DTNB: variants seen among roughly 807,000 people sequenced by gnomAD.
DTNB encodes the protein dystrobrevin beta.
In DTNB, 63 loss-of-function variants were observed where a neutral mutation model predicts 90.7. That is an observed-to-expected ratio of 0.69 (90% CI 0.57 to 0.86). DTNB has a LOEUF of 0.86. DTNB is among the 40% of genes least tolerant of loss of function. The pLI, the probability that DTNB is intolerant of heterozygous loss-of-function variation, is 0.00. For synonymous variants in DTNB, 277 were observed against 286.7 expected (o/e 0.97, Z 0.34); for missense variants, 744 against 807.1 (o/e 0.92, Z 0.95).
intron 12 of DTNB, among the ~76,000 whole-genome samples, chr2:25,435,657 G>T (rs146449852): frequency 1.9e-4 from 29 of 152,248 alleles, no homozygotes; most frequent in Admixed American, 3.9e-4. Context: ...GAACATTTGG[G>T]TTGTTACCAC....
chr2:25,401,927 C>A (rs763161099), intron 16 of DTNB, among the ~76,000 whole-genome samples: 3 of 152,190 alleles, frequency 2.0e-5, no homozygotes. Flanking sequence ...TTAAATTAAA[C>A]AAAGTGGTCT....
chr2:25,407,790 C>T lies in DTNB; in HGVS notation c.1575+11725G>A, dbSNP rs147381801. On this transcript the variant is annotated intron_variant, in intron 16 of 20. Coordinates refer to ENST00000406818, the MANE Select transcript of DTNB (RefSeq NM_021907.5). ...CTCAGAAGGGAGAGGTTGGGAGGGG[C>T]GTGAAGGATAAAAAACTACATATTG... Among the ~76,000 whole-genome samples, 199 of 152,088 alleles carry T rather than the reference C, an allele frequency of 1.3e-3. 3 individuals are homozygous for T. The highest frequency in any genetic ancestry group is 4.7e-3 in the African/African-American group (193 of 41,462).
intron 5 of DTNB, among the ~76,000 whole-genome samples, chr2:25,604,497 T>C (rs1397068735): frequency 2.6e-5 from 4 of 152,152 alleles, no homozygotes; most frequent in African/African-American, 7.2e-5. Flanking sequence ...GCCTCGAACT[T>C]CTAGCCTCAA....
intron 4 of DTNB, among the ~76,000 whole-genome samples, chr2:25,621,296 C>T (rs1215599757): frequency 6.6e-6 from 1 of 152,124 alleles, no homozygotes; most frequent in Non-Finnish European, 1.5e-5. Flanking sequence ...CTAGGCTGGG[C>T]AGATTAAGAA....
Position 25,387,117 on chromosome 2 carries a change from CAG to C in DTNB, c.1825+170_1825+171del. ...ACCGCCCCTACGCGATCCTGTGTGA[CAG>C]AGGCTCTCTGGGTGGAGACATCCAG... is the stretch of plus-strand genomic sequence containing the variant. On this transcript the variant is annotated intron_variant, in intron 18 of 20. Transcript: ENST00000406818. This position sits in a 1 kb window ranked among gnomAD's most constrained non-coding sequence, Gnocchi z 4.5. 1 of 586,266 alleles carries C rather than the reference CAG, an allele frequency of 1.7e-6. No individual in the cohort carries two copies. The highest frequency in any genetic ancestry group is 3.0e-6 in the Non-Finnish European group (1 of 331,492). The allele number at this position is 586,266 out of a possible 1,614,324, so 36.3% of individuals were successfully genotyped here.
chr2:25,646,404 G>A (rs1469997670), intron 2 of DTNB, among the ~76,000 whole-genome samples: 2 of 151,736 alleles, frequency 1.3e-5, no homozygotes, highest in East Asian at 1.9e-4. Flanking sequence ...CCAGGGAGGC[G>A]GAGATTGCAG....
chr2:25,393,420 T>C (rs899240223), intron 16 of DTNB, among the ~76,000 whole-genome samples: 5 of 152,140 alleles, frequency 3.3e-5, no homozygotes, highest in African/African-American at 1.2e-4. Context: ...GGCATCCAAA[T>C]CGGTAAAGAG....
chr2:25,572,585 T>C (rs1233814424), intron 8 of DTNB, among the ~76,000 whole-genome samples: 2 of 151,758 alleles, frequency 1.3e-5, no homozygotes, highest in African/African-American at 4.8e-5. Flanking sequence ...GGCTCTGGCA[T>C]ACCCTCCAGA....
rs576969142 is a variant in DTNB, at chr2:25,380,913, G to A, written c.1880-1590C>T. On this transcript the variant is annotated intron_variant, in intron 19 of 20. Transcript: ENST00000406818. ...TGCAGAGACAGCACCCTGGGGCCTG[G>A]AGGGCTGGGCAAGGGAAACCCAGTC... Among the ~76,000 whole-genome samples, 8 of 152,358 alleles carry A rather than the reference G, an allele frequency of 5.3e-5. No homozygotes were observed. The South Asian group carries it at 1.7e-3, about 32-fold the overall frequency.
At chr2:25,475,193 CCAAA>C (rs772911306) in intron 10 of DTNB, among the ~76,000 whole-genome samples, 2 of 152,156 alleles carry the variant, frequency 1.3e-5, no homozygotes, top group South Asian at 2.1e-4. Flanking sequence ...GCCTCTTGTG[CCAAA>C]CAGTCAAGCT....
intron 15 of DTNB, among the ~76,000 whole-genome samples, chr2:25,425,987 G>A (rs1201876676): frequency 6.6e-6 from 1 of 152,082 alleles, no homozygotes; most frequent in South Asian, 2.1e-4. Context: ...GGATCCCTTG[G>A]ACCCAGCTCA....
chr2:25,476,065 ATTT>A (rs35073594), intron 10 of DTNB, among the ~76,000 whole-genome samples: 3,551 of 127,812 alleles, frequency 0.028, 48 homozygotes, highest in Non-Finnish European at 0.039. Context: ...TCAAGAAGTA[ATTT>A]TTTTTTTTTT....
At chr2:25,429,642 G>C (rs2053182481) in intron 14 of DTNB, among the ~76,000 whole-genome samples, 1 of 152,126 alleles carries the variant, frequency 6.6e-6, no homozygotes, top group African/African-American at 2.4e-5. Context: ...CAAAATCCTT[G>C]AGGTCAGGGG....
At chr2:25,466,098 G>A (rs1178851844) in intron 10 of DTNB, among the ~76,000 whole-genome samples, 5 of 152,176 alleles carry the variant, frequency 3.3e-5, no homozygotes, top group Admixed American at 6.5e-5. Context: ...ACTTTGGGAG[G>A]CTAAGGAGTA....
At chr2:25,527,798 G>C (rs1364197289) in intron 9 of DTNB, among the ~76,000 whole-genome samples, 1 of 152,088 alleles carries the variant, frequency 6.6e-6, no homozygotes, top group Non-Finnish European at 1.5e-5. Context: ...GGCTTAGATG[G>C]CTCCATTAGT....
intron 12 of DTNB, among the ~76,000 whole-genome samples, chr2:25,447,701 G>A (rs564957187): frequency 2.0e-5 from 3 of 151,962 alleles, no homozygotes; most frequent in African/African-American, 7.2e-5. Context: ...TAGAGACGGG[G>A]TTTCACCATG....
At chr2:25,628,907 A>C (rs2075059768) in intron 3 of DTNB, among the ~76,000 whole-genome samples, 1 of 152,218 alleles carries the variant, frequency 6.6e-6, no homozygotes, top group Admixed American at 6.5e-5. Context: ...AGCCAAAAAT[A>C]AATTTATCTA....
intron 4 of DTNB, among the ~76,000 whole-genome samples, chr2:25,620,024 A>G (rs928311869): frequency 6.6e-6 from 1 of 152,090 alleles, no homozygotes; most frequent in Non-Finnish European, 1.5e-5. Context: ...TGGGCGACAG[A>G]GTGAGACTCT....
intron 16 of DTNB, among the ~76,000 whole-genome samples, chr2:25,410,492 T>G (rs1047430653): frequency 6.6e-6 from 1 of 152,180 alleles, no homozygotes. Flanking sequence ...CTTCTGGGTA[T>G]GCAAGAGTAA....
Sources: gnomAD v4.1 joint callset for allele counts (sites outside exome capture counted in the v4.1 genomes callset) on GRCh38, gnomAD v4.1.1 for gene constraint, Gnocchi (gnomAD v3.1) non-coding constraint, MANE v1.5 for transcripts, NCBI Gene and HGNC (gene_info 2026-07-23, HGNC 2026-07-21) for gene names.